The following TMEM230 variants were observed in gnomAD, a reference collection of about 807,000 sequenced individuals.
The protein encoded by TMEM230 is transmembrane protein 230.
A neutral mutation model predicts 15.8 loss-of-function variants in TMEM230; 10 were observed. The ratio of observed to expected loss-of-function variants is 0.63; its 90% CI spans 0.39 to 1.07. The LOEUF (loss-of-function observed/expected upper bound fraction) is 1.07. TMEM230 is among the 50% of genes least tolerant of loss of function. TMEM230 has a pLI of 0.01. For missense variants in TMEM230, 165 were observed against 193.3 expected (o/e 0.85, Z 0.87); for synonymous variants, 67 against 76.9 (o/e 0.87, Z 0.68).
chr20:5,104,203 TATC>T (rs2089982066), intron 4 of TMEM230, among the ~76,000 whole-genome samples: 2 of 152,316 alleles, frequency 1.3e-5, no homozygotes, highest in Admixed American at 6.5e-5. Flanking sequence ...TACAATGAGA[TATC>T]ATCTCATCCT....
chr20:5,112,619 A>C (rs1329368722), intron 1 of TMEM230: 1 of 1,153,410 alleles, frequency 8.7e-7, no homozygotes, highest in Non-Finnish European at 1.1e-6. Context: ...CAGGCTTTTT[A>C]CCAGCTCACC....
At chr20:5,083,285 A>ATTTTTTTTTTTTTTTTTTTTTTTTTTTTT in intron 3 of TMEM230, among the ~76,000 whole-genome samples, 2 of 119,938 alleles carry the variant, frequency 1.7e-5, no homozygotes, top group Non-Finnish European at 3.3e-5. Context: ...GGTTAGGGAG[A>ATTTTTTTTTTTTTTTTTTTTTTTTTTTTT]TTTTTTTTTT....
intron 2 of TMEM230, among the ~76,000 whole-genome samples, chr20:5,109,653 A>G (rs552620096): frequency 6.6e-6 from 1 of 152,312 alleles, no homozygotes; most frequent in East Asian, 1.9e-4. Flanking sequence ...TGACACAGTG[A>G]AAAGATTCTC....
intron 4 of TMEM230, among the ~76,000 whole-genome samples, chr20:5,103,870 C>T (rs776200279): frequency 6.6e-6 from 1 of 152,096 alleles, no homozygotes; most frequent in African/African-American, 2.4e-5. Flanking sequence ...CTCCAGGATG[C>T]TGGACTGGGC....
At chr20:5,108,685 G>C (rs2090190586) in intron 3 of TMEM230, among the ~76,000 whole-genome samples, 1 of 152,144 alleles carries the variant, frequency 6.6e-6, no homozygotes, top group African/African-American at 2.4e-5. Context: ...ATGGTTTCCT[G>C]CTACTTCCTC....
At chr20:5,092,710 C>T (rs968149996) in intron 3 of TMEM230, among the ~76,000 whole-genome samples, 6 of 141,188 alleles carry the variant, frequency 4.2e-5, no homozygotes, top group African/African-American at 1.6e-4. Flanking sequence ...AGCAAAACTC[C>T]GTCTCAAAAA....
chr20:5,100,533 A>C lies in TMEM230; in HGVS notation c.*258T>G. On this transcript the variant is annotated 3_prime_UTR_variant, in exon 5 of 5. Transcript: ENST00000342308. ...GTGGCAGGCAACACTTTTCCATTACAGAATAACCTCTATTCTTCCATGATA... is the reference window on the plus strand; with the variant it reads ...GTGGCAGGCAACACTTTTCCATTACCGAATAACCTCTATTCTTCCATGATA... 1 of 1,195,780 alleles carries C rather than the reference A, an allele frequency of 8.4e-7. No homozygotes were observed. The highest frequency in any genetic ancestry group is 1.0e-6 in the Non-Finnish European group (1 of 960,602). 74.1% of individuals were successfully genotyped at this position (1,195,780 alleles called of 1,614,324 possible).
exon 4 of TMEM230, chr20:5,069,334 A>C (rs1360221979): frequency 1.3e-5 from 20 of 1,534,612 alleles, no homozygotes; most frequent in Non-Finnish European, 1.7e-5. Flanking sequence ...TGTTCCCGTG[A>C]GGTGGATTCG....
At chr20:5,107,813 CAA>C (rs374440749) in intron 3 of TMEM230, among the ~76,000 whole-genome samples, 130 of 119,852 alleles carry the variant, frequency 1.1e-3, no homozygotes, top group Middle Eastern at 8.3e-3. Flanking sequence ...GACCCTGTCT[CAA>C]AAAAAAAAAA....
the TMEM230 span, among the ~76,000 whole-genome samples, chr20:5,060,145 C>T: frequency 6.6e-6 from 1 of 151,866 alleles, no homozygotes; most frequent in Admixed American, 6.6e-5. Flanking sequence ...CTTCTGGCCT[C>T]AAACAATCCT....
intron 3 of TMEM230, among the ~76,000 whole-genome samples, chr20:5,108,616 T>A (rs2090187140): frequency 6.6e-6 from 1 of 152,186 alleles, no homozygotes; most frequent in Non-Finnish European, 1.5e-5. Flanking sequence ...TCTTTCCAGA[T>A]CTATTTTTAT....
intron 4 of TMEM230, among the ~76,000 whole-genome samples, chr20:5,102,768 A>G (rs1183317477): frequency 1.3e-5 from 2 of 151,964 alleles, no homozygotes; most frequent in African/African-American, 2.4e-5. Context: ...TTCCAAACTG[A>G]TTCTACTAGG....
chr20:5,096,495 G>A (rs953353898), downstream of TMEM230, among the ~76,000 whole-genome samples: 1 of 152,216 alleles, frequency 6.6e-6, no homozygotes, highest in African/African-American at 2.4e-5. Flanking sequence ...AAGGTGCATT[G>A]ATTGGTATAG....
the TMEM230 span, among the ~76,000 whole-genome samples, chr20:5,062,353 C>T: frequency 6.9e-6 from 1 of 145,872 alleles, no homozygotes; most frequent in Non-Finnish European, 1.5e-5. Context: ...CTGGACAACA[C>T]AGTGAGACTC....
intron 3 of TMEM230, among the ~76,000 whole-genome samples, chr20:5,071,326 T>C (rs2088816533): frequency 6.6e-6 from 1 of 152,020 alleles, no homozygotes; most frequent in East Asian, 1.9e-4. Context: ...AATATGCATG[T>C]AAGGGTACAT....
At chr20:5,086,061 G>A (rs765671850) in intron 3 of TMEM230, among the ~76,000 whole-genome samples, 2 of 152,068 alleles carry the variant, frequency 1.3e-5, no homozygotes, top group African/African-American at 2.4e-5. Flanking sequence ...TTAGGTTCAT[G>A]TGCTTTTCCA....
chr20:5,086,616 A>C (rs990505984), intron 3 of TMEM230, among the ~76,000 whole-genome samples: 6 of 151,678 alleles, frequency 4.0e-5, no homozygotes, highest in African/African-American at 1.5e-4. Context: ...TTTTTCTGGA[A>C]GAATACAATG....
At chr20:5,069,296 T>C (rs1341455824) in exon 4 of TMEM230, 1 of 1,535,998 alleles carries the variant, frequency 6.5e-7, no homozygotes, top group African/African-American at 1.4e-5. Flanking sequence ...CACGGGATGC[T>C]GGTAGATGTT....
downstream of TMEM230, among the ~76,000 whole-genome samples, chr20:5,064,135 C>T (rs886428253): frequency 6.6e-5 from 10 of 151,872 alleles, no homozygotes; most frequent in South Asian, 2.1e-4. Flanking sequence ...GGTGTGGTAG[C>T]GCACACCTGT....
Sources: gnomAD v4.1 joint callset for allele counts (sites outside exome capture counted in the v4.1 genomes callset) on GRCh38, gnomAD v4.1.1 for gene constraint, MANE v1.5 for transcripts, NCBI Gene and HGNC (gene_info 2026-07-23, HGNC 2026-07-21) for gene names.